The following PECAM1 variants were observed in gnomAD, a reference collection of about 807,000 sequenced individuals.
PECAM1 encodes the protein platelet endothelial cell adhesion molecule.
PECAM1 carries 8 observed loss-of-function variants against 13.8 expected under a neutral mutation model. That is an observed-to-expected ratio of 0.58 (90% confidence interval 0.34 to 1.05). The LOEUF (loss-of-function observed/expected upper bound fraction) is 1.05. Ranked by LOEUF, PECAM1 falls within the 50% of genes least tolerant of loss-of-function variation. The pLI is 0.03. For missense variants in PECAM1, 304 were observed against 141.2 expected, an observed-to-expected ratio of 2.15 and a Z score of -5.84; for synonymous variants, 136 against 52.6, an observed-to-expected ratio of 2.58 and a Z score of -6.86.
chr17:64,374,129 T>C (rs1480129005), intron 4 of PECAM1, among the ~76,000 whole-genome samples: 1 of 152,166 alleles, frequency 6.6e-6, no homozygotes, highest in Non-Finnish European at 1.5e-5. Context: ...CTCGATGGCT[T>C]AAAGCAGTGG....
intron 2 of PECAM1, among the ~76,000 whole-genome samples, chr17:64,386,269 G>A (rs2143913665): frequency 6.6e-6 from 1 of 152,174 alleles, no homozygotes; most frequent in South Asian, 2.1e-4. Context: ...GCCGGGCATG[G>A]TGGTTCGTGC....
chr17:64,326,948 C>T (rs868955947), intron 15 of PECAM1, among the ~76,000 whole-genome samples: 1 of 152,174 alleles, frequency 6.6e-6, no homozygotes, highest in East Asian at 1.9e-4. Context: ...TTGCAATAGA[C>T]CAGGTCTATG....
chr17:64,353,448 C>T lies in PECAM1; in HGVS notation c.1916+43G>A, dbSNP rs2035778539. On this transcript the variant is annotated intron_variant, in intron 10 of 15. Coordinates refer to ENST00000563924, the MANE Select transcript of PECAM1 (RefSeq NM_000442.5). ...AGAATCTCCCTCCAGACATGTCCAC[C>T]GTGCTCACAGAGCAGCCGCCCCCTT... The T allele has an allele frequency of 1.3e-5, 6 of 458,438 alleles. No homozygotes were observed. In the Admixed American group the frequency reaches 2.0e-4, roughly 16 times the overall value. 28.4% of individuals were successfully genotyped at this position (458,438 alleles called of 1,614,324 possible). A position where few individuals can be genotyped will look rare whatever the true frequency, so the allele number is the denominator to read the frequency against.
chr17:64,319,507 T>G lies in PECAM1; in HGVS notation c.*4309A>C, dbSNP rs2034782024. ...TGGGTCAGGCAGGCAACTTGAGAGA[T>G]CTAAGTGCCCTGCCTGACCCTTAAC... On this transcript the variant is annotated 3_prime_UTR_variant, in exon 16 of 16. Transcript: ENST00000563924. 1 of 152,100 alleles carries G rather than the reference T, an allele frequency of 6.6e-6. No individual in the cohort carries two copies. 9.4% of individuals were successfully genotyped at this position (152,100 alleles called of 1,614,324 possible). A position where few individuals can be genotyped will look rare whatever the true frequency, so the allele number is the denominator to read the frequency against.
At chr17:64,375,499 A>C in intron 3 of PECAM1, 143 bp from the exon 4 acceptor site, 1 of 397,690 alleles carries the variant, frequency 2.5e-6, no homozygotes, top group Non-Finnish European at 4.4e-6. Flanking sequence ...TTCTCTGAAC[A>C]CCCAGTGCGA....
chr17:64,367,141 G>A (rs2036127360), intron 5 of PECAM1, among the ~76,000 whole-genome samples: 1 of 151,994 alleles, frequency 6.6e-6, no homozygotes, highest in African/African-American at 2.4e-5. Flanking sequence ...TCTCTCTGTG[G>A]CGGGCCCCTT....
At chr17:64,356,599 C>G (rs1016998250) in intron 7 of PECAM1, among the ~76,000 whole-genome samples, 1 of 152,188 alleles carries the variant, frequency 6.6e-6, no homozygotes, top group African/African-American at 2.4e-5. Flanking sequence ...CCTCAGCCTC[C>G]CGAGTAGCTG....
chr17:64,349,571 G>A (rs1414361899), intron 12 of PECAM1, among the ~76,000 whole-genome samples: 1 of 84,578 alleles, frequency 1.2e-5, no homozygotes, highest in African/African-American at 3.6e-5. Context: ...TTGGGTGACA[G>A]AGTAAGACTC....
At position 64,322,633 on chromosome 17, in the gene PECAM1, G is replaced by A. The variant is rs2034832942; in HGVS notation, c.*1183C>T. The stretch of plus-strand genomic sequence containing the variant: ...CATCTGTGAAATTCCACAGCGCAAT[G>A]ACAGCAGCCTCTCTCCCACCCACTC... On this transcript the variant is annotated 3_prime_UTR_variant, in exon 16 of 16. Transcript: ENST00000563924. 3.0e-6 allele frequency: 3 copies of A among 985,390 alleles called. No individual in the cohort carries two copies. Among genetic ancestry groups the A allele is most frequent in the Non-Finnish European group, 3.6e-6 (3 of 829,896 alleles). 61.0% of individuals were successfully genotyped at this position (985,390 alleles called of 1,614,324 possible).
intron 7 of PECAM1, among the ~76,000 whole-genome samples, chr17:64,358,051 C>T (rs1270307271): frequency 1.0e-4 from 15 of 150,194 alleles, no homozygotes; most frequent in Admixed American, 4.0e-4. Context: ...AGCTCATATC[C>T]GGTGATTCTC....
intron 15 of PECAM1, among the ~76,000 whole-genome samples, chr17:64,324,440 A>G (rs1415574435): frequency 6.6e-6 from 1 of 152,132 alleles, no homozygotes; most frequent in South Asian, 2.1e-4. Flanking sequence ...CCCTGCATAC[A>G]TGTTGGACAT....
At chr17:64,381,244 A>G (rs2036475547) in intron 2 of PECAM1, among the ~76,000 whole-genome samples, 1 of 152,168 alleles carries the variant, frequency 6.6e-6, no homozygotes, top group Admixed American at 6.6e-5. Context: ...GATTCTGAGA[A>G]TGTTCTAATG....
In PECAM1 at chr17:64,322,159, G is replaced by T; in HGVS notation, c.*1657C>A. The T allele has an allele frequency of 1.2e-6, 1 of 846,156 alleles. No homozygotes were observed. Among genetic ancestry groups the T allele is most frequent in the Non-Finnish European group, 1.4e-6 (1 of 693,662 alleles). 52.4% of individuals were successfully genotyped at this position (846,156 alleles called of 1,614,324 possible). On this transcript the variant is annotated 3_prime_UTR_variant, in exon 16 of 16. Coordinates refer to ENST00000563924, the MANE Select transcript of PECAM1 (RefSeq NM_000442.5). Reference sequence around the variant, plus strand: ...TGGAGCACACATGAGGACAAGGCGGGCAGATCACCAAAGGTCAGGCATTCG... The same window carrying T: ...TGGAGCACACATGAGGACAAGGCGGTCAGATCACCAAAGGTCAGGCATTCG...
At chr17:64,355,793 T>C (rs2035832590) in intron 8 of PECAM1, among the ~76,000 whole-genome samples, 2 of 152,198 alleles carry the variant, frequency 1.3e-5, no homozygotes, top group Admixed American at 1.3e-4. Flanking sequence ...ATGTCTGTTC[T>C]GCGTGACCCA....
intron 13 of PECAM1, among the ~76,000 whole-genome samples, chr17:64,346,144 T>C (rs970899262): frequency 2.0e-5 from 3 of 152,136 alleles, no homozygotes; most frequent in Non-Finnish European, 4.4e-5. Context: ...AGCCTGGGGT[T>C]AGCCTCAGAG....
At position 64,375,129 on chromosome 17, in the gene PECAM1, G is replaced by A. The variant is rs2036327696; in HGVS notation, c.613C>T (p.Arg205Ter). 2 of 475,340 alleles carry A rather than the reference G, an allele frequency of 4.2e-6. No individual in the cohort carries two copies. Among genetic ancestry groups the A allele is most frequent in the East Asian group, 3.1e-5 (1 of 32,038 alleles). The allele number at this position is 475,340 out of a possible 1,614,324, so 29.4% of individuals were successfully genotyped here. Residue 205 changes from arginine to a stop codon, truncating the protein, a stop_gained, in exon 4 of 16, where the codon CGA (arginine) becomes TGA (stop). Coordinates refer to ENST00000563924, the MANE Select transcript of PECAM1 (RefSeq NM_000442.5). LOFTEE classifies it high-confidence loss of function. ...CCAGAAATGATCCTAGCTTGACATC[G>A]GAAGGATAAAACGCGGTCCTGTTCC... is the stretch of plus-strand genomic sequence containing the variant. ...VEEQDRVLSF[R>*]CQARIISGIH...
At chr17:64,360,835 TG>T (rs2035957493) in intron 6 of PECAM1, among the ~76,000 whole-genome samples, 1 of 151,716 alleles carries the variant, frequency 6.6e-6, no homozygotes, top group African/African-American at 2.4e-5. Context: ...TGTGTGTGTG[TG>T]TGTGTGTGTA....
rs114416047 is a variant in PECAM1, at chr17:64,323,555, C to G, written c.*261G>C. On this transcript the variant is annotated 3_prime_UTR_variant, in exon 16 of 16. Transcript: ENST00000563924. ...GCCTTGCCCTGGATCTCCTCTTGTG[C>G]TCTTCCAATTTCCAAGGATGTTCCA... The G allele has an allele frequency of 6.5e-4, 920 of 1,410,098 alleles. 3 individuals carry two copies. In the African/African-American group the frequency reaches 0.012, roughly 18 times the overall value. 87.3% of individuals were successfully genotyped at this position (1,410,098 alleles called of 1,614,324 possible). A position where few individuals can be genotyped will look rare whatever the true frequency, so the allele number is the denominator to read the frequency against.
At chr17:64,334,138 A>AG (rs2035204556) in intron 14 of PECAM1, among the ~76,000 whole-genome samples, 1 of 147,442 alleles carries the variant, frequency 6.8e-6, no homozygotes, top group African/African-American at 2.5e-5. Flanking sequence ...AAAAAAAAAA[A>AG]GCTGTGCTTA....
Sources: allele counts gnomAD v4.1 joint callset (sites outside exome capture counted in the v4.1 genomes callset), GRCh38; gene constraint gnomAD v4.1.1; transcripts MANE v1.5; gene names NCBI Gene and HGNC (gene_info 2026-07-23, HGNC 2026-07-21).